Variants in TENM2 observed in about 807,000 individuals in gnomAD.
TENM2 encodes teneurin-2.
TENM2 carries 52 observed loss-of-function variants against 245.2 expected under a neutral mutation model. That is an observed-to-expected ratio of 0.21 (90% CI 0.17 to 0.27). The LOEUF is 0.27. Among genes scored for constraint, TENM2 ranks in the 10% least tolerant of loss-of-function variants. The pLI, the probability that TENM2 is intolerant of heterozygous loss-of-function variation, is 1.00. For missense variants in TENM2, 3,046 were observed against 3,666.8 expected (o/e 0.83, Z 4.37); for synonymous variants, 1,363 against 1,438.9 (o/e 0.95, Z 1.19).
intron 2 of TENM2, among the ~76,000 whole-genome samples, chr5:167,872,505 AAAGAAAGAAAGAAAGAAAGAAAG>A (rs1772998627): frequency 8.1e-5 from 1 of 12,312 alleles, no homozygotes; most frequent in African/African-American, 1.5e-4. Flanking sequence ...AGAAAGAAAG[AAAGAAAGAAAGAAAGAAAGAAAG>A]AAAGAAAGAA....
intron 2 of TENM2, among the ~76,000 whole-genome samples, chr5:167,637,103 T>C (rs950066727): frequency 1.8e-4 from 27 of 152,228 alleles, no homozygotes; most frequent in African/African-American, 5.5e-4. Context: ...ATACGGCTAC[T>C]GTAAATGTTA....
At chr5:167,771,239 G>C (rs1214473362) in intron 2 of TENM2, among the ~76,000 whole-genome samples, 1 of 152,178 alleles carries the variant, frequency 6.6e-6, no homozygotes, top group Admixed American at 6.5e-5. Context: ...CTTGGTAATT[G>C]CTGCAGAAAG....
At chr5:167,762,522 A>C (rs1407416448) in intron 2 of TENM2, among the ~76,000 whole-genome samples, 1 of 152,128 alleles carries the variant, frequency 6.6e-6, no homozygotes, top group African/African-American at 2.4e-5. Context: ...CAGGTGCTCC[A>C]GTCTGCAGTG....
intron 2 of TENM2, among the ~76,000 whole-genome samples, chr5:167,841,789 A>G (rs1769539494): frequency 6.6e-6 from 1 of 152,052 alleles, no homozygotes; most frequent in African/African-American, 2.4e-5. Flanking sequence ...TATTGCATTT[A>G]GTTATCTTTT....
At chr5:167,848,544 A>G (rs6555773) in intron 2 of TENM2, among the ~76,000 whole-genome samples, 102,990 of 152,170 alleles carry the variant, frequency 0.68, 36,027 homozygotes, top group South Asian at 0.78. Flanking sequence ...CACAGGGCCA[A>G]CTCTGCTCCA....
At chr5:167,219,996 A>G in the TENM2 span, among the ~76,000 whole-genome samples, 1 of 152,320 alleles carries the variant, frequency 6.6e-6, no homozygotes, top group African/African-American at 2.4e-5. Context: ...ATTGTGCATG[A>G]AATCTTATTT....
At chr5:167,108,171 G>A in the TENM2 span, among the ~76,000 whole-genome samples, 1 of 152,004 alleles carries the variant, frequency 6.6e-6, no homozygotes, top group Non-Finnish European at 1.5e-5. Flanking sequence ...TGTCACCCAC[G>A]CTGGAGTGCA....
intron 2 of TENM2, among the ~76,000 whole-genome samples, chr5:167,392,382 A>G (rs1161129024): frequency 6.6e-6 from 1 of 152,160 alleles, no homozygotes; most frequent in Non-Finnish European, 1.5e-5. Flanking sequence ...TGGACTGAGG[A>G]AAGTCAATGG....
the TENM2 span, among the ~76,000 whole-genome samples, chr5:167,205,468 C>G: frequency 7.9e-5 from 12 of 152,272 alleles, no homozygotes; most frequent in East Asian, 1.4e-3. Context: ...TCTATGTCCA[C>G]GTGAAAGACA....
chr5:167,274,467 T>C, the TENM2 span, among the ~76,000 whole-genome samples: 3 of 152,148 alleles, frequency 2.0e-5, no homozygotes, highest in African/African-American at 7.2e-5. Context: ...GCTATAAATA[T>C]TGGGTACAGG....
the TENM2 span, among the ~76,000 whole-genome samples, chr5:167,272,485 G>A: frequency 6.6e-6 from 1 of 152,150 alleles, no homozygotes; most frequent in Non-Finnish European, 1.5e-5. Context: ...TTTAAAATAT[G>A]TATTTTTGAC....
the TENM2 span, among the ~76,000 whole-genome samples, chr5:167,226,948 A>C: frequency 3.3e-5 from 5 of 151,864 alleles, no homozygotes; most frequent in African/African-American, 1.2e-4. Flanking sequence ...ATATATGTAT[A>C]TATATGTGTG....
intron 1 of TENM2, among the ~76,000 whole-genome samples, chr5:167,369,819 C>G (rs1251455154): frequency 6.6e-6 from 1 of 152,164 alleles, no homozygotes; most frequent in Non-Finnish European, 1.5e-5. Context: ...TGTTCCAATG[C>G]TGGCATTTTC....
At chr5:167,109,031 T>C in the TENM2 span, among the ~76,000 whole-genome samples, 1 of 152,208 alleles carries the variant, frequency 6.6e-6, no homozygotes, top group Non-Finnish European at 1.5e-5. Context: ...AAGGAATTTC[T>C]AATGAAAAGG....
chr5:167,726,133 C>T (rs79069705), intron 2 of TENM2, among the ~76,000 whole-genome samples: 5,419 of 146,486 alleles, frequency 0.037, 382 homozygotes, highest in East Asian at 0.3. Context: ...GCACGCTGCA[C>T]GGCATAGAGC....
At chr5:167,652,551 A>T (rs537457859) in intron 2 of TENM2, among the ~76,000 whole-genome samples, 2 of 151,688 alleles carry the variant, frequency 1.3e-5, no homozygotes, top group East Asian at 2.0e-4. Context: ...TCTGGTCAGT[A>T]TGTCAAAGCT....
chr5:167,702,552 G>GTATATA lies in TENM2; in HGVS notation c.503-173419_503-173414dup, dbSNP rs374895330. 6.0e-3 allele frequency among the ~76,000 whole-genome samples: 820 copies of GTATATA among 136,750 alleles called. 6 individuals are homozygous for GTATATA. Among genetic ancestry groups the GTATATA allele is most frequent in the South Asian group, 0.022 (95 of 4,366 alleles). 89.7% of individuals were successfully genotyped at this position (136,750 alleles called of 152,430 possible). On this transcript the variant is annotated intron_variant, in intron 2 of 28. Coordinates refer to ENST00000518659, the Ensembl canonical transcript of TENM2. ...TATGTATGTATGTATGTGTGTGTGTGTATATATATATATATATATACATAT... is the reference window on the plus strand; with the variant it reads ...TATGTATGTATGTATGTGTGTGTGTGTATATATATATATATATATATATATACATAT...
At chr5:167,094,334 T>C in the TENM2 span, among the ~76,000 whole-genome samples, 1 of 152,172 alleles carries the variant, frequency 6.6e-6, no homozygotes, top group South Asian at 2.1e-4. Flanking sequence ...CCATCCTTTC[T>C]TCCACCCCTA....
intron 2 of TENM2, among the ~76,000 whole-genome samples, chr5:167,643,338 C>T (rs868397141): frequency 2.6e-5 from 4 of 152,172 alleles, no homozygotes; most frequent in African/African-American, 9.6e-5. Flanking sequence ...TGGAATTTGC[C>T]GTTTCTGGAT....
Sources: allele counts gnomAD v4.1 joint callset (sites outside exome capture counted in the v4.1 genomes callset), GRCh38; gene constraint gnomAD v4.1.1; transcripts MANE v1.5; gene names NCBI Gene and HGNC (gene_info 2026-07-23, HGNC 2026-07-21).